OSBP2: variants seen among roughly 807,000 people sequenced by gnomAD.
The protein encoded by OSBP2 is oxysterol-binding protein 2.
OSBP2 carries 66 observed loss-of-function variants against 96.0 expected under a neutral mutation model. That is an observed-to-expected ratio of 0.69 (90% CI 0.56 to 0.84). The LOEUF is 0.84. OSBP2 is among the 40% of genes least tolerant of loss of function. The pLI is 0.00. For synonymous variants in OSBP2, 525 were observed against 520.9 expected (o/e 1.01, Z -0.11); for missense variants, 1,038 against 1,222.7 (o/e 0.85, Z 2.25).
At chr22:30,833,007 A>G (rs1173893221) in intron 2 of OSBP2, among the ~76,000 whole-genome samples, 1 of 152,136 alleles carries the variant, frequency 6.6e-6, no homozygotes, top group Non-Finnish European at 1.5e-5. Context: ...CTTTTTCCAC[A>G]TTTTTCAAAG....
At chr22:30,718,877 G>A (rs2089502474) in intron 1 of OSBP2, among the ~76,000 whole-genome samples, 1 of 152,198 alleles carries the variant, frequency 6.6e-6, no homozygotes, top group Non-Finnish European at 1.5e-5. Context: ...AGCCTTGCGG[G>A]CAGACTGAGT....
At chr22:30,722,650 TC>T (rs1373640674) in intron 1 of OSBP2, among the ~76,000 whole-genome samples, 11 of 151,388 alleles carry the variant, frequency 7.3e-5, no homozygotes, top group African/African-American at 2.4e-4. Context: ...TTTCTCTTTC[TC>T]CTTCCTTCCC....
intron 2 of OSBP2, among the ~76,000 whole-genome samples, chr22:30,861,090 G>A (rs898541858): frequency 3.9e-5 from 6 of 152,170 alleles, no homozygotes; most frequent in African/African-American, 1.4e-4. Context: ...GGAAGGAGGG[G>A]AGTTTCTTTG....
At chr22:30,747,792 G>A (rs922202308) in intron 2 of OSBP2, among the ~76,000 whole-genome samples, 3 of 152,142 alleles carry the variant, frequency 2.0e-5, no homozygotes, top group Admixed American at 6.6e-5. Context: ...ATGTCACCTC[G>A]AAGTACTTTA....
chr22:30,906,130 C>T (rs776479726), intron 13 of OSBP2, 61 bp downstream of exon 13: 12 of 1,609,908 alleles, frequency 7.5e-6, no homozygotes, highest in African/African-American at 1.3e-5. Flanking sequence ...GTGGGGGTGC[C>T]GCAGGGACGG....
chr22:30,827,504 G>A lies in OSBP2; in HGVS notation c.854-42925G>A, dbSNP rs544830297. 8.4e-4 allele frequency among the ~76,000 whole-genome samples: 128 copies of A among 152,330 alleles called. 1 individual carries two copies. The highest frequency in any genetic ancestry group is 3.0e-3 in the African/African-American group (125 of 41,578). On this transcript the variant is annotated intron_variant, in intron 2 of 13. Transcript: ENST00000332585. Reference sequence around the variant, plus strand: ...CCCCTGCCCATCCTGGCACATGGTAGCTGCTCATTAGTAGTAGGATCCTTT... The same window carrying A: ...CCCCTGCCCATCCTGGCACATGGTAACTGCTCATTAGTAGTAGGATCCTTT...
intron 2 of OSBP2, among the ~76,000 whole-genome samples, chr22:30,845,641 T>C (rs1165358390): frequency 6.6e-6 from 1 of 151,384 alleles, no homozygotes; most frequent in African/African-American, 2.4e-5. Context: ...CCCAACACTT[T>C]GGGAGGCCGA....
Position 30,905,783 on chromosome 22 carries a change from G to A in OSBP2, c.2376-54G>A, listed in dbSNP as rs994277092. On this transcript the variant is annotated intron_variant, in intron 12 of 13. Coordinates refer to ENST00000332585, the MANE Select transcript of OSBP2 (RefSeq NM_030758.4). ...CCAGGCAGGGGAGGGCGGCCGGGTA[G>A]GTGTGGTCCGGCTCACACCGCAGCC... The A allele has an allele frequency of 3.1e-6, 5 of 1,601,192 alleles. No homozygotes were observed. In the South Asian group the frequency reaches 5.6e-5, roughly 18 times the overall value.
intron 1 of OSBP2, among the ~76,000 whole-genome samples, chr22:30,699,415 G>A (rs555397676): frequency 1.3e-5 from 2 of 152,140 alleles, no homozygotes; most frequent in African/African-American, 2.4e-5. Flanking sequence ...ATGTGTGCCG[G>A]AATTTCTCTT....
rs572567645 is a variant in OSBP2, at chr22:30,891,316, C to T, written c.1869+343C>T. On this transcript the variant is annotated intron_variant, in intron 8 of 13. Transcript: ENST00000332585. ...CTGGGGAGGAGCATGGGGTCACTAC[C>T]GAGCTGAAGGCGGCTGGCAGGAGGA... Among the ~76,000 whole-genome samples the T allele has an allele frequency of 4.6e-5, 7 of 152,234 alleles. No individual in the cohort carries two copies. In the South Asian group the frequency reaches 6.2e-4, roughly 14 times the overall value.
At chr22:30,698,180 T>G (rs900733841) in intron 1 of OSBP2, among the ~76,000 whole-genome samples, 2 of 152,156 alleles carry the variant, frequency 1.3e-5, no homozygotes, top group Non-Finnish European at 2.9e-5. Context: ...TGCATGTGTG[T>G]TATCTCCTCC....
At chr22:30,854,285 T>A (rs1177260026) in intron 2 of OSBP2, among the ~76,000 whole-genome samples, 4 of 150,468 alleles carry the variant, frequency 2.7e-5, no homozygotes. Context: ...TTCTCTTTGT[T>A]TTCTTGCTTT....
chr22:30,722,693 CT>C lies in OSBP2; in HGVS notation c.645-18462del. Among the ~76,000 whole-genome samples the C allele has an allele frequency of 2.0e-5, 3 of 149,310 alleles. No homozygotes were observed. The South Asian group carries it at 6.4e-4, about 32-fold the overall frequency. On this transcript the variant is annotated intron_variant, in intron 1 of 13. Transcript: ENST00000332585. ...TTTCTCTTTCTTTCTTTTCTTTCCT[CT>C]TTTTTCTTTCTTTCTCTTTTTTCTT...
chr22:30,867,058 T>A (rs2039354392), intron 2 of OSBP2, among the ~76,000 whole-genome samples: 1 of 152,204 alleles, frequency 6.6e-6, no homozygotes, highest in South Asian at 2.1e-4. Context: ...GGGTGGTGTG[T>A]GTGTGGGTAT....
chr22:30,850,646 C>T (rs566471267), intron 2 of OSBP2, among the ~76,000 whole-genome samples: 6 of 151,984 alleles, frequency 3.9e-5, no homozygotes, highest in South Asian at 4.2e-4. Context: ...ATTACAGGTG[C>T]GTGCCATCAT....
chr22:30,845,491 G>C (rs2038849262), intron 2 of OSBP2, among the ~76,000 whole-genome samples: 1 of 151,764 alleles, frequency 6.6e-6, no homozygotes, highest in Non-Finnish European at 1.5e-5. Context: ...GTGACACAGA[G>C]ACATGAAGTG....
At chr22:30,746,614 C>G (rs940081846) in intron 2 of OSBP2, among the ~76,000 whole-genome samples, 1 of 151,542 alleles carries the variant, frequency 6.6e-6, no homozygotes, top group African/African-American at 2.4e-5. Context: ...CTCAGCCTCC[C>G]GAGTAGCTGG....
At chr22:30,770,483 G>C (rs773258891) in intron 2 of OSBP2, 1 of 152,206 alleles carries the variant, frequency 6.6e-6, no homozygotes, top group Non-Finnish European at 1.5e-5. Flanking sequence ...CCAGTCTCAG[G>C]TGTCTCCTTA....
At chr22:30,846,388 T>C (rs1311361596) in intron 2 of OSBP2, among the ~76,000 whole-genome samples, 3 of 152,134 alleles carry the variant, frequency 2.0e-5, no homozygotes, top group Non-Finnish European at 4.4e-5. Flanking sequence ...TGACCTCAAG[T>C]GATCCACCCG....
Sources: allele counts gnomAD v4.1 joint callset (sites outside exome capture counted in the v4.1 genomes callset), GRCh38; gene constraint gnomAD v4.1.1; transcripts MANE v1.5; gene names NCBI Gene and HGNC (gene_info 2026-07-23, HGNC 2026-07-21).